Variants in AK9 observed in about 807,000 individuals in gnomAD.
The protein encoded by AK9 is adenylate kinase domain containing 1.
Under a neutral mutation model 239.6 loss-of-function variants are expected in AK9, and 191 were observed. The ratio of observed to expected loss-of-function variants is 0.80; its 90% CI spans 0.71 to 0.90. AK9 has a LOEUF of 0.90. Ranked by LOEUF, AK9 falls within the 40% of genes least tolerant of loss-of-function variation. AK9 has a pLI of 0.00. For synonymous variants in AK9, 689 were observed against 721.0 expected, an observed-to-expected ratio of 0.96 and a Z score of 0.71; for missense variants, 1,995 against 2,214.7, an observed-to-expected ratio of 0.90 and a Z score of 1.99.
chr6:109,587,892 T>A (rs192789321), intron 17 of AK9, among the ~76,000 whole-genome samples: 1 of 152,326 alleles, frequency 6.6e-6, no homozygotes. Flanking sequence ...GGTGTACCAA[T>A]TTACATTCCC....
chr6:109,579,708 TA>T, intron 19 of AK9, 82 bp from the exon 20 acceptor site: 1 of 1,170,354 alleles, frequency 8.5e-7, no homozygotes, highest in African/African-American at 1.6e-5. Flanking sequence ...CTTATAGTGT[TA>T]AAAATAAAGA....
chr6:109,662,307 A>T (rs1343278671), intron 6 of AK9, among the ~76,000 whole-genome samples: 1 of 152,156 alleles, frequency 6.6e-6, no homozygotes, highest in East Asian at 1.9e-4. Context: ...TAAAGAGATG[A>T]TGTATTAACT....
intron 3 of AK9, among the ~76,000 whole-genome samples, chr6:109,672,778 G>A (rs1771125664): frequency 6.6e-6 from 1 of 152,174 alleles, no homozygotes; most frequent in Non-Finnish European, 1.5e-5. Flanking sequence ...ACTGTGTAGT[G>A]TACAATAGAA....
chr6:109,680,899 A>G (rs371681978), intron 1 of AK9, among the ~76,000 whole-genome samples: 2 of 152,334 alleles, frequency 1.3e-5, no homozygotes, highest in South Asian at 2.1e-4. Context: ...AGACAAGCAA[A>G]TGCTGAGAGA....
chr6:109,640,470 C>A (rs1244187653), intron 10 of AK9, among the ~76,000 whole-genome samples: 1 of 152,198 alleles, frequency 6.6e-6, no homozygotes, highest in Non-Finnish European at 1.5e-5. Flanking sequence ...TGAGATGAAC[C>A]AGGTACCTCA....
chr6:109,559,095 G>A (rs978887928), intron 24 of AK9, among the ~76,000 whole-genome samples: 27 of 151,430 alleles, frequency 1.8e-4, no homozygotes, highest in African/African-American at 6.1e-4. Flanking sequence ...CAAGTGATCC[G>A]CCTGACTCGG....
chr6:109,620,109 T>A (rs1424255146), intron 12 of AK9, among the ~76,000 whole-genome samples: 1 of 152,130 alleles, frequency 6.6e-6, no homozygotes, highest in Admixed American at 6.6e-5. Flanking sequence ...AATAAAGCCG[T>A]GATGAACACT....
chr6:109,677,971 A>G lies in AK9; in HGVS notation c.-11-2215T>C, dbSNP rs546218693. On this transcript the variant is annotated intron_variant, in intron 1 of 40. Transcript: ENST00000424296. ...GGATCCCTCATACATTGCTGGTGGG[A>G]ATATAAAATGGTATAGTCTGGAAAA... Among the ~76,000 whole-genome samples, 130 of 152,356 alleles carry G rather than the reference A, an allele frequency of 8.5e-4. No individual in the cohort carries two copies. In the Middle Eastern group the frequency reaches 0.02, roughly 24 times the overall value.
At position 109,632,860 on chromosome 6, in the gene AK9, G is replaced by GATAGATAGAT. The variant is rs753404584; in HGVS notation, c.1254+62_1254+63insATCTATCTAT. 11 of 846,702 alleles carry GATAGATAGAT rather than the reference G, an allele frequency of 1.3e-5. No individual in the cohort carries two copies. The African/African-American group carries it at 2.2e-4, about 17-fold the overall frequency. The allele number at this position is 846,702 out of a possible 1,614,324, so 52.4% of individuals were successfully genotyped here. ...ATCGAGTATAGATACATGACAGATA[G>GATAGATAGAT]ACATAGATAGATAGATAGATAGATA... On this transcript the variant is annotated intron_variant, in intron 12 of 40. Transcript: ENST00000424296.
chr6:109,683,427 G>C (rs762172001), intron 1 of AK9, among the ~76,000 whole-genome samples: 2 of 152,108 alleles, frequency 1.3e-5, no homozygotes, highest in Non-Finnish European at 2.9e-5. Context: ...AGAAATAAAG[G>C]GTATTCAAAT....
At chr6:109,498,220 C>T (rs531888072) in intron 36 of AK9, among the ~76,000 whole-genome samples, 149 of 152,334 alleles carry the variant, frequency 9.8e-4, no homozygotes, top group African/African-American at 3.5e-3. Context: ...GCTCCTACTA[C>T]ACTACAGTCA....
chr6:109,647,017 T>A (rs927378171), intron 8 of AK9, among the ~76,000 whole-genome samples: 7 of 152,056 alleles, frequency 4.6e-5, no homozygotes, highest in Non-Finnish European at 1.5e-5. Flanking sequence ...AGAAATAAAA[T>A]CCTTTACAGA....
chr6:109,621,965 CAAAAA>C (rs1233821911), intron 12 of AK9, among the ~76,000 whole-genome samples: 1 of 48,116 alleles, frequency 2.1e-5, no homozygotes, highest in Non-Finnish European at 4.6e-5. Context: ...AAAAAAAAAA[CAAAAA>C]AAACTGTCAA....
chr6:109,576,420 C>CTTTTTTT (rs3060763), intron 20 of AK9, among the ~76,000 whole-genome samples: 6,079 of 103,058 alleles, frequency 0.059, 774 homozygotes, highest in East Asian at 0.15. Flanking sequence ...CATATATATA[C>CTTTTTTT]TTTTTTTTTT....
At chr6:109,503,480 C>A (rs1236855238) in intron 35 of AK9, among the ~76,000 whole-genome samples, 1 of 152,128 alleles carries the variant, frequency 6.6e-6, no homozygotes, top group East Asian at 1.9e-4. Flanking sequence ...TAAGCCCCAG[C>A]CTTGTACCAT....
chr6:109,521,090 CT>C (rs1421818847), intron 29 of AK9, among the ~76,000 whole-genome samples: 1 of 152,030 alleles, frequency 6.6e-6, no homozygotes, highest in Non-Finnish European at 1.5e-5. Flanking sequence ...GCGTTTCTTT[CT>C]CTTCACTGAT....
intron 39 of AK9, chr6:109,494,564 A>G (rs898981395): frequency 1.3e-5 from 2 of 152,920 alleles, no homozygotes; most frequent in Non-Finnish European, 2.9e-5. Flanking sequence ...AGAGCCCAGA[A>G]GAAGGTAAGA....
At chr6:109,494,272 A>G (rs911048771) in intron 39 of AK9, among the ~76,000 whole-genome samples, 177 bp from the exon 40 acceptor site, 1 of 152,260 alleles carries the variant, frequency 6.6e-6, no homozygotes, top group African/African-American at 2.4e-5. Context: ...AATACAAAAT[A>G]CATTTGATTA....
At chr6:109,686,428 T>C (rs1289047443) in intron 1 of AK9, among the ~76,000 whole-genome samples, 8 of 152,298 alleles carry the variant, frequency 5.3e-5, no homozygotes, top group Admixed American at 5.2e-4. Context: ...GCCTCTTTAG[T>C]TTTCAAAGAG....
Sources: gnomAD v4.1 joint callset for allele counts (sites outside exome capture counted in the v4.1 genomes callset) on GRCh38, gnomAD v4.1.1 for gene constraint, MANE v1.5 for transcripts, NCBI Gene and HGNC (gene_info 2026-07-23, HGNC 2026-07-21) for gene names.